DMD: variants seen among roughly 807,000 people sequenced by gnomAD.
DMD encodes the protein dystrophin.
A neutral mutation model predicts 330.1 loss-of-function variants in DMD; 63 were observed. That is an observed-to-expected ratio of 0.19 (90% confidence interval 0.16 to 0.24). DMD has a LOEUF of 0.24. Ranked by LOEUF, DMD falls within the 10% of genes least tolerant of loss-of-function variation. DMD has a pLI of 1.00. For missense variants in DMD, 3,344 were observed against 2,684.1 expected (o/e 1.25, Z -5.43); for synonymous variants, 1,223 against 959.8 (o/e 1.27, Z -5.07).
Position 31,679,608 on chromosome X carries a change from A to C in DMD, c.7661-22T>G, listed in dbSNP as rs1569221094. The C allele has an allele frequency of 2.6e-6, 3 of 1,152,238 alleles. No homozygotes were observed. The South Asian group carries it at 5.4e-5, about 21-fold the overall frequency. 95.0% of individuals were successfully genotyped at this position (1,152,238 alleles called of 1,213,427 possible). Reference sequence around the variant, plus strand: ...TCAACTAGAATAAAAGGAAAAATAAATATATAGTAGTAAATGCTAGTCTGG... The same window carrying C: ...TCAACTAGAATAAAAGGAAAAATAACTATATAGTAGTAAATGCTAGTCTGG... On this transcript the variant is annotated intron_variant, in intron 52 of 78. Transcript: ENST00000357033.
At chrX:32,779,554 T>C (rs1008320922) in intron 7 of DMD, among the ~76,000 whole-genome samples, 1 of 109,630 alleles carries the variant, frequency 9.1e-6, no homozygotes, top group Non-Finnish European at 1.9e-5. Context: ...TGTGTTCTCA[T>C]TGTTCAATTC....
At chrX:31,193,895 C>T (rs148264662) in intron 67 of DMD, among the ~76,000 whole-genome samples, 28 of 111,501 alleles carry the variant, frequency 2.5e-4, no homozygotes, top group African/African-American at 7.8e-4. Flanking sequence ...AAAATGTCAA[C>T]GTCAGCCCGG....
intron 1 of DMD, among the ~76,000 whole-genome samples, chrX:33,139,136 C>T (rs2047663476): frequency 9.1e-6 from 1 of 110,109 alleles, no homozygotes; most frequent in South Asian, 4.0e-4. Flanking sequence ...TAAGGAGACC[C>T]CATTTCTACA....
At chrX:33,039,031 A>G (rs2094253051) in intron 1 of DMD, among the ~76,000 whole-genome samples, 1 of 111,927 alleles carries the variant, frequency 8.9e-6, no homozygotes, top group Non-Finnish European at 1.9e-5. Flanking sequence ...TTTTTCTTCA[A>G]TTTTATAGTA....
intron 18 of DMD, among the ~76,000 whole-genome samples, chrX:32,514,932 C>A (rs950842428): frequency 9.8e-5 from 11 of 111,810 alleles, no homozygotes; most frequent in African/African-American, 3.3e-4. Context: ...ATCTACTAAC[C>A]TAGTGCCAAA....
chrX:32,188,015 C>A (rs909592571), intron 44 of DMD, among the ~76,000 whole-genome samples: 2 of 110,776 alleles, frequency 1.8e-5, no homozygotes, highest in Admixed American at 1.9e-4. Flanking sequence ...AATTTTTTAT[C>A]TGGTGACAAA....
intron 58 of DMD, 81 bp from the exon 59 acceptor site, chrX:31,478,455 A>C: frequency 2.6e-6 from 3 of 1,165,878 alleles, no homozygotes; most frequent in Non-Finnish European, 3.5e-6. Context: ...GGAAGAAAGA[A>C]AGAGTACAGT....
chrX:32,644,280 G>A lies in DMD; in HGVS notation c.1183C>T (p.Arg395Trp), dbSNP rs780356433. 5.0e-6 allele frequency: 6 copies of A among 1,208,554 alleles called. No individual in the cohort carries two copies. Among genetic ancestry groups the A allele is most frequent in the African/African-American group, 3.5e-5 (2 of 56,804 alleles). Reference protein sequence around the residue: ...YMMDLTAHQGRVGNILQLGSK... With the variant: ...YMMDLTAHQGWVGNILQLGSK... Reference sequence around the variant, plus strand: ...CCCAATTGTAGAATATTACCAACCCGGCCCTGATGGGCTGTCAAATCCATC... The same window carrying A: ...CCCAATTGTAGAATATTACCAACCCAGCCCTGATGGGCTGTCAAATCCATC... The change falls in exon 11 of 79, where the codon CGG becomes TGG. Residue 395 changes from arginine (R) to tryptophan (W), a missense_variant. Coordinates refer to ENST00000357033, the MANE Select transcript of DMD (RefSeq NM_004006.3).
intron 57 of DMD, among the ~76,000 whole-genome samples, chrX:31,494,938 T>G (rs1257936513): frequency 8.9e-6 from 1 of 112,000 alleles, no homozygotes; most frequent in Non-Finnish European, 1.9e-5. Flanking sequence ...CATTTCACTA[T>G]ATCGCATAAT....
intron 1 of DMD, among the ~76,000 whole-genome samples, chrX:33,335,388 A>G (rs2054236987): frequency 9.1e-6 from 1 of 110,158 alleles, no homozygotes; most frequent in Admixed American, 9.8e-5. Flanking sequence ...TTGTATTTTG[A>G]TGTCATATGA....
intron 22 of DMD, among the ~76,000 whole-genome samples, chrX:32,470,381 C>A (rs776074751): frequency 3.6e-5 from 4 of 111,660 alleles, no homozygotes; most frequent in Non-Finnish European, 5.7e-5. Context: ...AAAATTTGGG[C>A]TTCCCCACAT....
At chrX:32,699,377 G>C (rs2063911774) in intron 7 of DMD, 84 bp from the exon 8 acceptor site, 1 of 767,947 alleles carries the variant, frequency 1.3e-6, no homozygotes, top group Non-Finnish European at 2.0e-6. Flanking sequence ...CAAAGTTAAA[G>C]GAAGACGATA....
intron 9 of DMD, among the ~76,000 whole-genome samples, chrX:32,672,593 A>G (rs898875147): frequency 1.8e-5 from 2 of 110,863 alleles, no homozygotes; most frequent in African/African-American, 6.5e-5. Flanking sequence ...TGCCAGGGAC[A>G]TAGAACAAAA....
chrX:32,806,736 C>A (rs1422025439), intron 7 of DMD, among the ~76,000 whole-genome samples: 2 of 111,467 alleles, frequency 1.8e-5, no homozygotes, highest in African/African-American at 3.3e-5. Flanking sequence ...AAAATCATAA[C>A]AACCAACCTC....
chrX:32,086,277 G>A (rs951746404), intron 44 of DMD, among the ~76,000 whole-genome samples: 8 of 111,757 alleles, frequency 7.2e-5, no homozygotes, highest in African/African-American at 1.3e-4. Context: ...CTTGTGATAC[G>A]TGCACTTTTT....
intron 7 of DMD, among the ~76,000 whole-genome samples, chrX:32,783,230 G>T: frequency 1.1e-5 from 1 of 91,693 alleles, no homozygotes; most frequent in South Asian, 5.0e-4. Flanking sequence ...ACGTGTATAC[G>T]TATATACACA....
chrX:31,153,227 T>G (rs2037668877), intron 74 of DMD, among the ~76,000 whole-genome samples: 1 of 111,926 alleles, frequency 8.9e-6, no homozygotes, highest in African/African-American at 3.3e-5. Context: ...AATCTTTGCC[T>G]CTTCCCTCGG....
chrX:32,477,829 C>T (rs768379990), intron 21 of DMD, among the ~76,000 whole-genome samples: 1 of 111,059 alleles, frequency 9.0e-6, no homozygotes, highest in African/African-American at 3.3e-5. Flanking sequence ...GTAACTGTGC[C>T]AACCAATAAG....
intron 55 of DMD, among the ~76,000 whole-genome samples, chrX:31,604,300 A>G (rs1487324410): frequency 8.9e-6 from 1 of 111,987 alleles, no homozygotes; most frequent in Non-Finnish European, 1.9e-5. Flanking sequence ...ATGTTTTAAA[A>G]TGGCTATCTC....
Sources: allele counts gnomAD v4.1 joint callset (sites outside exome capture counted in the v4.1 genomes callset), GRCh38; gene constraint gnomAD v4.1.1; transcripts MANE v1.5; gene names NCBI Gene and HGNC (gene_info 2026-07-23, HGNC 2026-07-21).